The following MSN variants were observed in gnomAD, a reference collection of about 807,000 sequenced individuals.
MSN encodes the protein epididymis luminal protein 70.
A neutral mutation model predicts 48.0 loss-of-function variants in MSN; 2 were observed. The ratio of observed to expected loss-of-function variants is 0.04; its 90% CI spans 0.02 to 0.13. The LOEUF (loss-of-function observed/expected upper bound fraction) is 0.13. Among genes scored for constraint, MSN ranks in the 10% least tolerant of loss-of-function variants. The pLI is 1.00. For missense variants in MSN, 267 were observed against 470.1 expected (o/e 0.57, Z 3.99); for synonymous variants, 146 against 166.9 (o/e 0.87, Z 0.97).
intron 2 of MSN, among the ~76,000 whole-genome samples, chrX:65,726,287 G>A (rs895523348): frequency 9.0e-6 from 1 of 111,690 alleles, no homozygotes; most frequent in Non-Finnish European, 1.9e-5. Context: ...CTTGGCATTA[G>A]GACATAGCAT....
intron 1 of MSN, among the ~76,000 whole-genome samples, chrX:65,606,423 G>A (rs1048195642): frequency 9.1e-6 from 1 of 109,409 alleles, no homozygotes; most frequent in African/African-American, 3.3e-5. Flanking sequence ...CACCACACCC[G>A]GCCTGTTTTT....
intron 1 of MSN, among the ~76,000 whole-genome samples, chrX:65,644,850 T>A (rs1016575818): frequency 8.9e-6 from 1 of 112,211 alleles, no homozygotes; most frequent in African/African-American, 3.2e-5. Context: ...GAGATGAGAC[T>A]GATCATATAT....
rs1168173909 is a variant in MSN, at chrX:65,740,132, G to T, written c.*239G>T. ...CCTCCTTTCTCTTCTCTGTTCCATT[G>T]AATCTGTATGGCTAGAATATCCTAC... On this transcript the variant is annotated 3_prime_UTR_variant, in exon 13 of 13. Transcript: ENST00000360270. The T allele has an allele frequency of 6.2e-6, 2 of 322,179 alleles. No homozygotes were observed. The highest frequency in any genetic ancestry group is 1.1e-5 in the Non-Finnish European group (2 of 182,582). 26.6% of individuals were successfully genotyped at this position (322,179 alleles called of 1,213,427 possible). A position where few individuals can be genotyped will look rare whatever the true frequency, so the allele number is the denominator to read the frequency against.
chrX:65,589,586 G>C (rs1270630658), intron 1 of MSN: 1 of 112,455 alleles, frequency 8.9e-6, no homozygotes, highest in Non-Finnish European at 1.9e-5. Flanking sequence ...GCCAAACCTG[G>C]GAAGGGAGAG....
In MSN at chrX:65,738,675, A is replaced by G. The variant is rs771205858; in HGVS notation, c.1344+58A>G. 384 of 1,048,926 alleles carry G rather than the reference A, an allele frequency of 3.7e-4. 1 individual carries two copies. Among genetic ancestry groups the G allele is most frequent in the Non-Finnish European group, 4.6e-4 (350 of 765,995 alleles). The allele number at this position is 1,048,926 out of a possible 1,213,427, so 86.4% of individuals were successfully genotyped here. Reference sequence around the variant, plus strand: ...GGAATGGGTGCCATATGCATAGGTAACAGCTCCTTAGATTCCTTATGTTTT... The same window carrying G: ...GGAATGGGTGCCATATGCATAGGTAGCAGCTCCTTAGATTCCTTATGTTTT... On this transcript the variant is annotated intron_variant, in intron 11 of 12. Coordinates refer to ENST00000360270, the MANE Select transcript of MSN (RefSeq NM_002444.3).
intron 1 of MSN, among the ~76,000 whole-genome samples, chrX:65,642,771 C>A (rs1455048143): frequency 1.8e-5 from 2 of 111,412 alleles, no homozygotes; most frequent in Non-Finnish European, 3.8e-5. Flanking sequence ...GTTAGATGAC[C>A]TCTGAGTCCA....
chrX:65,717,063 A>G (rs1320500272), intron 2 of MSN, among the ~76,000 whole-genome samples, 162 bp downstream of exon 2: 1 of 111,811 alleles, frequency 8.9e-6, no homozygotes, highest in Non-Finnish European at 1.9e-5. Context: ...AAAGGAGGCA[A>G]AGTTAAACTT....
chrX:65,668,627 G>T (rs951569129), intron 1 of MSN, among the ~76,000 whole-genome samples: 1 of 111,654 alleles, frequency 9.0e-6, no homozygotes, highest in Non-Finnish European at 1.9e-5. Context: ...TAGAGTGGTG[G>T]TTGATTTGGG....
At chrX:65,634,617 T>TAAAATA (rs1299340287) in intron 1 of MSN, among the ~76,000 whole-genome samples, 1 of 109,758 alleles carries the variant, frequency 9.1e-6, no homozygotes, top group Non-Finnish European at 1.9e-5. Context: ...GGTCTCAAAA[T>TAAAATA]AAAATAAAAA....
chrX:65,618,090 G>A (rs1156855811), intron 1 of MSN, among the ~76,000 whole-genome samples: 1 of 111,588 alleles, frequency 9.0e-6, no homozygotes, highest in South Asian at 3.7e-4. Flanking sequence ...TATAATTTCT[G>A]TTCTTTTACA....
intron 1 of MSN, chrX:65,600,818 G>T (rs2070229229): frequency 1.8e-5 from 2 of 111,832 alleles, no homozygotes; most frequent in Non-Finnish European, 3.8e-5. Context: ...TTTGCCCAGA[G>T]ACAGAGATAT....
upstream of MSN, among the ~76,000 whole-genome samples, chrX:65,662,748 C>T (rs1166060550): frequency 1.8e-5 from 2 of 112,082 alleles, no homozygotes; most frequent in African/African-American, 6.5e-5. Context: ...TTGTCTACGT[C>T]TCAAAAAGAA....
upstream of MSN, among the ~76,000 whole-genome samples, chrX:65,664,127 A>G (rs1407288202): frequency 9.0e-6 from 1 of 111,695 alleles, no homozygotes; most frequent in Non-Finnish European, 1.9e-5. Context: ...ACACCGTGGA[A>G]TACTATGCAG....
chrX:65,724,210 T>G (rs2071545167), intron 2 of MSN, among the ~76,000 whole-genome samples: 1 of 108,702 alleles, frequency 9.2e-6, no homozygotes, highest in Non-Finnish European at 1.9e-5. Flanking sequence ...AATGGCGCGA[T>G]CTCGGCTCAC....
intron 1 of MSN, among the ~76,000 whole-genome samples, chrX:65,591,770 G>A (rs7053087): frequency 0.081 from 9,009 of 111,025 alleles, 982 homozygotes; most frequent in African/African-American, 0.28. Flanking sequence ...TGACCAGAAA[G>A]GATAGAAAGT....
intron 1 of MSN, among the ~76,000 whole-genome samples, chrX:65,679,977 A>G (rs1324216903): frequency 8.9e-6 from 1 of 112,402 alleles, no homozygotes; most frequent in Non-Finnish European, 1.9e-5. Context: ...CCTGTGGGCT[A>G]TGCAGGAGCT....
rs2071703683 is a variant in MSN at position 65,738,579 on chromosome X, CAGA to C, written c.1312_1314del (p.Lys438del). 2.5e-6 allele frequency: 3 copies of C among 1,209,500 alleles called. No individual in the cohort carries two copies. Among genetic ancestry groups the C allele is most frequent in the Non-Finnish European group, 3.4e-6 (3 of 894,376 alleles). ...AATCTCCCAGCTGGAGATGGCCCGA[CAGA>C]AGAAGGAGAGTGAGGCTGTGGAGTG... On this transcript the variant is annotated inframe_deletion, in exon 11 of 13. Coordinates refer to ENST00000360270, the MANE Select transcript of MSN (RefSeq NM_002444.3).
chrX:65,607,132 G>C (rs1200832604), intron 1 of MSN, among the ~76,000 whole-genome samples: 1 of 112,241 alleles, frequency 8.9e-6, no homozygotes. Flanking sequence ...CCCTGTGAGA[G>C]AGATATCACT....
At chrX:65,738,407 G>A (rs1210083995) in intron 10 of MSN, 118 bp from the exon 11 acceptor site, 3 of 528,655 alleles carry the variant, frequency 5.7e-6, no homozygotes, top group Non-Finnish European at 3.1e-6. Flanking sequence ...AGTCTCTGAG[G>A]CAGCAAGCAA....
Sources: allele counts gnomAD v4.1 joint callset (sites outside exome capture counted in the v4.1 genomes callset), GRCh38; gene constraint gnomAD v4.1.1; transcripts MANE v1.5; gene names NCBI Gene and HGNC (gene_info 2026-07-23, HGNC 2026-07-21).